FRMD5: variants seen among roughly 807,000 people sequenced by gnomAD.
The protein encoded by FRMD5 is FERM domain-containing protein 5.
In FRMD5, 20 loss-of-function variants were observed where a neutral mutation model predicts 69.0. That is an observed-to-expected ratio of 0.29 (90% CI 0.20 to 0.42). FRMD5 has a LOEUF of 0.42. Ranked by LOEUF, FRMD5 falls within the 10% of genes least tolerant of loss-of-function variation. The pLI is 1.00. For missense variants in FRMD5, 595 were observed against 708.6 expected (o/e 0.84, Z 1.82); for synonymous variants, 271 against 260.1 (o/e 1.04, Z -0.40).
intron 13 of FRMD5, among the ~76,000 whole-genome samples, chr15:43,881,714 C>T (rs185441620): frequency 6.6e-6 from 1 of 152,138 alleles, no homozygotes; most frequent in African/African-American, 2.4e-5. Flanking sequence ...GGAAGATGTC[C>T]CTATTTTACA....
At chr15:44,049,049 GA>G (rs1442595570) in intron 1 of FRMD5, among the ~76,000 whole-genome samples, 1 of 152,160 alleles carries the variant, frequency 6.6e-6, no homozygotes, top group African/African-American at 2.4e-5. Context: ...AACCAACAGG[GA>G]AACCCTGCTA....
At chr15:44,136,628 T>C (rs2077189275) in intron 1 of FRMD5, among the ~76,000 whole-genome samples, 1 of 152,130 alleles carries the variant, frequency 6.6e-6, no homozygotes, top group Non-Finnish European at 1.5e-5. Context: ...GAAAAATGTG[T>C]TGCATCTTCC....
At chr15:44,153,523 G>A (rs2077479290) in intron 1 of FRMD5, among the ~76,000 whole-genome samples, 1 of 152,214 alleles carries the variant, frequency 6.6e-6, no homozygotes, top group Non-Finnish European at 1.5e-5. Flanking sequence ...TACTAGAATG[G>A]TGGTTACCAG....
In FRMD5 at chr15:43,873,455, G is replaced by T; in HGVS notation, c.*430C>A. The T allele has an allele frequency of 1.4e-6, 2 of 1,428,466 alleles. No homozygotes were observed. The highest frequency in any genetic ancestry group is 1.8e-6 in the Non-Finnish European group (2 of 1,101,540). The allele number at this position is 1,428,466 out of a possible 1,614,324, so 88.5% of individuals were successfully genotyped here. A position where few individuals can be genotyped will look rare whatever the true frequency, so the allele number is the denominator to read the frequency against. ...AGTGGCACCAGCAGGAAAAGCTCCT[G>T]CAGAATACAGAGGACAGCAGCTCTC... On this transcript the variant is annotated 3_prime_UTR_variant, in exon 14 of 14. Transcript: ENST00000417257.
intron 1 of FRMD5, among the ~76,000 whole-genome samples, chr15:43,949,676 G>A (rs1274083003): frequency 6.6e-6 from 1 of 152,150 alleles, no homozygotes; most frequent in Non-Finnish European, 1.5e-5. Flanking sequence ...TTTGTAAGTT[G>A]GCTTTGTGTA....
chr15:43,953,107 C>T (rs940219147), intron 1 of FRMD5, among the ~76,000 whole-genome samples: 3 of 152,174 alleles, frequency 2.0e-5, no homozygotes, highest in African/African-American at 7.2e-5. Context: ...GAGCCTTGAG[C>T]TGCCCCAGGG....
At chr15:43,948,703 C>T (rs2089983741) in intron 1 of FRMD5, among the ~76,000 whole-genome samples, 1 of 152,168 alleles carries the variant, frequency 6.6e-6, no homozygotes, top group African/African-American at 2.4e-5. Context: ...TCCCATTTTT[C>T]AGGTTCTATT....
rs551823659 is a variant in FRMD5 at position 43,975,441 on chromosome 15, A to G, written c.103-51132T>C. Among the ~76,000 whole-genome samples, 27 of 152,350 alleles carry G rather than the reference A, an allele frequency of 1.8e-4. No homozygotes were observed. The South Asian group carries it at 5.6e-3, about 32-fold the overall frequency. ...TTCTTGGCAAATAAAATGCCGGGCC[A>G]ATATAAAAGCAATAGAGAAGAGGAA... On this transcript the variant is annotated intron_variant, in intron 1 of 13. Coordinates refer to ENST00000417257, the MANE Select transcript of FRMD5 (RefSeq NM_032892.5).
chr15:44,047,566 GATTT>G (rs568424231), intron 1 of FRMD5, among the ~76,000 whole-genome samples: 78 of 152,114 alleles, frequency 5.1e-4, no homozygotes, highest in Admixed American at 4.6e-3. Context: ...TTCAAAAATG[GATTT>G]ATTGAGATAT....
chr15:44,172,995 G>A (rs1265239213), intron 1 of FRMD5, among the ~76,000 whole-genome samples: 1 of 152,212 alleles, frequency 6.6e-6, no homozygotes, highest in East Asian at 1.9e-4. Flanking sequence ...AGACAGAGGA[G>A]TCAAATCAAC....
At chr15:43,989,449 G>A in intron 1 of FRMD5, 1 of 796,942 alleles carries the variant, frequency 1.3e-6, no homozygotes, top group Non-Finnish European at 2.3e-6. Flanking sequence ...ATGATGACCT[G>A]GCCGTCGGGC....
chr15:44,047,056 T>C (rs1892457422), intron 1 of FRMD5, among the ~76,000 whole-genome samples: 1 of 152,244 alleles, frequency 6.6e-6, no homozygotes, highest in East Asian at 1.9e-4. Context: ...CCTGTAATCC[T>C]AGCACTTCAG....
At chr15:44,077,413 T>C (rs1430410459) in intron 1 of FRMD5, among the ~76,000 whole-genome samples, 4 of 152,106 alleles carry the variant, frequency 2.6e-5, no homozygotes, top group Admixed American at 1.3e-4. Flanking sequence ...GGAGAATATA[T>C]TCAACTGCAT....
At chr15:43,935,176 T>G (rs962039107) in intron 1 of FRMD5, among the ~76,000 whole-genome samples, 3 of 152,160 alleles carry the variant, frequency 2.0e-5, no homozygotes, top group Admixed American at 6.5e-5. Flanking sequence ...CAGATGTCTT[T>G]TGGTCTATAA....
chr15:44,151,196 G>C (rs912760497), intron 1 of FRMD5, among the ~76,000 whole-genome samples: 6 of 151,848 alleles, frequency 4.0e-5, no homozygotes, highest in African/African-American at 7.3e-5. Context: ...AGGAGATTGA[G>C]ACCATCCTGG....
intron 7 of FRMD5, 65 bp downstream of exon 7, chr15:43,902,110 G>C (rs1268345360): frequency 8.5e-7 from 1 of 1,178,656 alleles, no homozygotes; most frequent in Non-Finnish European, 1.3e-6. Context: ...CAGGCATGGG[G>C]GCTCTTGCTC....
At chr15:44,112,497 C>T (rs536521183) in intron 1 of FRMD5, among the ~76,000 whole-genome samples, 68 of 149,424 alleles carry the variant, frequency 4.6e-4, no homozygotes, top group African/African-American at 1.6e-3. Context: ...GATGGAGTCT[C>T]GCTCTGTTGC....
chr15:44,123,688 T>A (rs2615288), intron 1 of FRMD5, among the ~76,000 whole-genome samples: 125,537 of 152,128 alleles, frequency 0.83, 54,575 homozygotes, highest in Non-Finnish European at 0.95. Flanking sequence ...AAAACAAACA[T>A]GCAATTACAT....
At chr15:43,941,102 C>T (rs746955342) in intron 1 of FRMD5, among the ~76,000 whole-genome samples, 3 of 152,194 alleles carry the variant, frequency 2.0e-5, no homozygotes, top group African/African-American at 4.8e-5. Flanking sequence ...GGCAGAGTGG[C>T]TTACACCTGT....
Sources: allele counts gnomAD v4.1 joint callset (sites outside exome capture counted in the v4.1 genomes callset), GRCh38; gene constraint gnomAD v4.1.1; transcripts MANE v1.5; gene names NCBI Gene and HGNC (gene_info 2026-07-23, HGNC 2026-07-21).